ARID1A: variants seen among roughly 807,000 people sequenced by gnomAD.
ARID1A encodes AT-rich interaction domain 1A.
A neutral mutation model predicts 212.6 loss-of-function variants in ARID1A; 20 were observed. The observed-to-expected ratio is 0.09, with a 90% CI of 0.07 to 0.14. The LOEUF (loss-of-function observed/expected upper bound fraction) is 0.14. ARID1A is among the 10% of genes least tolerant of loss of function. The probability of loss-of-function intolerance (pLI) is 1.00; values close to 1 mark genes in which losing one functional copy is unlikely to be tolerated. For missense variants in ARID1A, 2,587 were observed against 3,059.0 expected, an observed-to-expected ratio of 0.85 and a Z score of 3.64; for synonymous variants, 1,376 against 1,222.1, an observed-to-expected ratio of 1.13 and a Z score of -2.63.
rs112199902 is a variant in ARID1A, at chr1:26,756,317, A to G, written c.1921-4539A>G. Among the ~76,000 whole-genome samples, 4 of 152,042 alleles carry G rather than the reference A, an allele frequency of 2.6e-5. 1 individual carries two copies. Among genetic ancestry groups the G allele is most frequent in the African/African-American group, 9.6e-5 (4 of 41,508 alleles). On this transcript the variant is annotated intron_variant, in intron 4 of 19. Transcript: ENST00000324856. ...ATGCCTGTAATACCGGCATTTTGGG[A>G]GGCCAAGGTGGGCGGATCACCTGAG...
At chr1:26,701,702 G>A (rs1292235913) in intron 1 of ARID1A, among the ~76,000 whole-genome samples, 4 of 152,092 alleles carry the variant, frequency 2.6e-5, no homozygotes, top group Admixed American at 2.6e-4. Flanking sequence ...ATAAATCAGG[G>A]GTCTTGAGAC....
At chr1:26,767,306 T>C (rs1183409354) in intron 10 of ARID1A, among the ~76,000 whole-genome samples, 2 of 152,206 alleles carry the variant, frequency 1.3e-5, no homozygotes, top group Non-Finnish European at 2.9e-5. Flanking sequence ...AGAGTTTCTT[T>C]TCATTTTAGT....
intron 19 of ARID1A, chr1:26,775,963 A>G: frequency 1.6e-6 from 1 of 612,644 alleles, no homozygotes; most frequent in South Asian, 1.5e-5. Flanking sequence ...ATTAGTAAGA[A>G]TTCAGATTCA....
In ARID1A at chr1:26,697,311, G is replaced by C. The variant is rs772204322; in HGVS notation, c.908G>C (p.Ser303Thr). The change falls in exon 1 of 20, where the codon AGC (serine) becomes ACC (threonine). Residue 303 changes from serine (S) to threonine (T), a missense_variant. Coordinates refer to ENST00000324856, the MANE Select transcript of ARID1A (RefSeq NM_006015.6). ...CTCAACCAACTGCTCACGTCGCCCA[G>C]CTCGGCCCGGGGCTACCAGGGCTAC... ...PTLNQLLTSPSSARGYQGYPG... is the reference protein window; with the variant it reads ...PTLNQLLTSPTSARGYQGYPG... 107 of 1,346,890 alleles carry C rather than the reference G, an allele frequency of 7.9e-5. No homozygotes were observed. The East Asian group carries it at 8.5e-4, about 11-fold the overall frequency. 83.4% of individuals were successfully genotyped at this position (1,346,890 alleles called of 1,614,324 possible).
intron 4 of ARID1A, 49 bp downstream of exon 4, chr1:26,732,841 C>G (rs917616071): frequency 1.0e-5 from 15 of 1,453,970 alleles, no homozygotes; most frequent in Non-Finnish European, 1.2e-5. Flanking sequence ...GAGAGGAAAC[C>G]AATGCAAACT....
At chr1:26,763,829 C>T (rs1570605474) in intron 8 of ARID1A, among the ~76,000 whole-genome samples, 1 of 152,226 alleles carries the variant, frequency 6.6e-6, no homozygotes. Flanking sequence ...TGCTCTGTTC[C>T]CCAGGCTGAA....
At chr1:26,725,660 C>T (rs1004798701) in intron 1 of ARID1A, among the ~76,000 whole-genome samples, 9 of 151,980 alleles carry the variant, frequency 5.9e-5, no homozygotes. Context: ...TATTTTTGGT[C>T]TACAAAGATT....
At position 26,774,574 on chromosome 1, in the gene ARID1A, C is replaced by T. The variant is rs140481844; in HGVS notation, c.4347C>T (p.Gly1449=). ...CTGCTACTGAGCGCCGACCAGCAGG[C>T]GGCCCCCAGAACCAATTTCCATTCC... is the stretch of plus-strand genomic sequence containing the variant. ...ATAATERRPA[G]GPQNQFPFQF... The change falls in exon 18 of 20, where the codon GGC becomes GGT. Residue 1449 remains glycine, a synonymous_variant. Transcript: ENST00000324856. The surrounding 1 kb of genome is among the most constrained non-coding windows in gnomAD (Gnocchi z 5.6). 5.5e-5 allele frequency: 89 copies of T among 1,614,086 alleles called. 1 individual carries two copies. The Middle Eastern group carries it at 6.6e-4, about 12-fold the overall frequency.
intron 10 of ARID1A, among the ~76,000 whole-genome samples, 170 bp downstream of exon 10, chr1:26,766,736 A>C (rs1391557976): frequency 3.3e-5 from 5 of 152,198 alleles, no homozygotes; most frequent in African/African-American, 1.2e-4. Context: ...CCAGAATAAT[A>C]GCTCAGTGAG....
chr1:26,701,854 TAA>T (rs2080334594), intron 1 of ARID1A, among the ~76,000 whole-genome samples: 2 of 152,222 alleles, frequency 1.3e-5, no homozygotes, highest in Admixed American at 6.5e-5. Flanking sequence ...TTGAAACTGT[TAA>T]TCTGTTTGTC....
At chr1:26,759,983 A>G (rs2080975971) in intron 4 of ARID1A, among the ~76,000 whole-genome samples, 1 of 152,160 alleles carries the variant, frequency 6.6e-6, no homozygotes, top group Non-Finnish European at 1.5e-5. Context: ...TGGCAAATGG[A>G]GGCTGTGATA....
chr1:26,696,072 G>A lies in ARID1A; in HGVS notation c.-332G>A, dbSNP rs1039382189. 4 of 550,702 alleles carry A rather than the reference G, an allele frequency of 7.3e-6. No individual in the cohort carries two copies. Among genetic ancestry groups the A allele is most frequent in the Non-Finnish European group, 9.6e-6 (4 of 418,526 alleles). 34.1% of individuals were successfully genotyped at this position (550,702 alleles called of 1,614,324 possible). ...ACAGCGGGGCCAGGCCCTGGGGAGC[G>A]GAGCCTCCACCGCCCCCCTCATTCC... On this transcript the variant is annotated 5_prime_UTR_variant, in exon 1 of 20. Coordinates refer to ENST00000324856, the MANE Select transcript of ARID1A (RefSeq NM_006015.6).
chr1:26,704,418 CT>C (rs1041177286), intron 1 of ARID1A, among the ~76,000 whole-genome samples: 1 of 152,146 alleles, frequency 6.6e-6, no homozygotes, highest in Non-Finnish European at 1.5e-5. Flanking sequence ...AAGTAAGTAT[CT>C]GTTGGGACTC....
At position 26,774,947 on chromosome 1, in the gene ARID1A, C is replaced by T. The variant is rs2081119884; in HGVS notation, c.4720C>T (p.Pro1574Ser). The T allele has an allele frequency of 7.5e-7, 1 of 1,338,544 alleles. No individual in the cohort carries two copies. The highest frequency in any genetic ancestry group is 9.9e-7 in the Non-Finnish European group (1 of 1,012,448). The allele number at this position is 1,338,544 out of a possible 1,614,324, so 82.9% of individuals were successfully genotyped here. The change falls in exon 18 of 20, where the codon CCC becomes TCC. Residue 1574 changes from proline to serine, a missense_variant. Around this residue, in one of 11 missense-constraint regions of ARID1A, gnomAD observed 890 missense variants for 1,098.2 expected, o/e 0.81. Transcript: ENST00000324856. The surrounding 1 kb of genome is among the most constrained non-coding windows in gnomAD (Gnocchi z 5.6). ...MTRPPPSNYQ[P>S]PPSMQNHIPQ... ...AAGGCCCCCTCCATCTAACTACCAG[C>T]CCCCACCAAGCATGCAGAATCACAT...
rs1446574904 is a variant in ARID1A, at chr1:26,731,347, C to G, written c.1546C>G (p.Pro516Ala). The G allele has an allele frequency of 6.2e-7, 1 of 1,613,906 alleles. No individual in the cohort carries two copies. The highest frequency in any genetic ancestry group is 8.5e-7 in the Non-Finnish European group (1 of 1,179,976). The change falls in exon 3 of 20, where the codon CCT becomes GCT. Residue 516 changes from proline to alanine, a missense_variant. Pro to Ala is a conservative substitution (Grantham distance 27). Around this residue, in one of 11 missense-constraint regions of ARID1A, gnomAD observed 674 missense variants for 813.4 expected, o/e 0.83. Coordinates refer to ENST00000324856, the MANE Select transcript of ARID1A (RefSeq NM_006015.6). Reference protein sequence around the residue: ...SQPPQLQSSQPPYSQQPSQPP... With the variant: ...SQPPQLQSSQAPYSQQPSQPP... The stretch of plus-strand genomic sequence containing the variant: ...ACCACCACAGCTCCAGTCCTCTCAG[C>G]CTCCATACTCCCAGCAGCCATCCCA...
At chr1:26,700,524 C>T (rs1158392156) in intron 1 of ARID1A, among the ~76,000 whole-genome samples, 2 of 152,170 alleles carry the variant, frequency 1.3e-5, no homozygotes, top group Non-Finnish European at 2.9e-5. Context: ...TTTTAGATTA[C>T]TTACACACAT....
rs2124055027 is a variant in ARID1A, at chr1:26,760,949, G to C, written c.2014G>C (p.Glu672Gln). The change falls in exon 5 of 20, where the codon GAG (glutamate) becomes CAG (glutamine). Residue 672 changes from glutamate to glutamine, a missense_variant. Coordinates refer to ENST00000324856, the MANE Select transcript of ARID1A (RefSeq NM_006015.6). ...STSGISSSQG[E>Q]QSNPAQSPFS... ...ATCAGGGATTTCCAGCAGCCAAGGAGAGCAGAGTAATCCAGCTCAGTCTCC... is the reference window on the plus strand; with the variant it reads ...ATCAGGGATTTCCAGCAGCCAAGGACAGCAGAGTAATCCAGCTCAGTCTCC... 1 of 1,614,084 alleles carries C rather than the reference G, an allele frequency of 6.2e-7. No homozygotes were observed. The highest frequency in any genetic ancestry group is 8.5e-7 in the Non-Finnish European group (1 of 1,180,030).
At position 26,774,034 on chromosome 1, in the gene ARID1A, C is replaced by T. The variant is rs2081110709; in HGVS notation, c.4101+136C>T. 1.6e-6 allele frequency: 2 copies of T among 1,220,056 alleles called. No individual in the cohort carries two copies. Among genetic ancestry groups the T allele is most frequent in the South Asian group, 2.9e-5 (2 of 68,922 alleles). The allele number at this position is 1,220,056 out of a possible 1,614,324, so 75.6% of individuals were successfully genotyped here. ...TTCTTCTCTCACCTGACTGGCCAGTCCTGCCTGAAGAGCCACGTCCTCAAT... is the reference window on the plus strand; with the variant it reads ...TTCTTCTCTCACCTGACTGGCCAGTTCTGCCTGAAGAGCCACGTCCTCAAT... On this transcript the variant is annotated intron_variant, in intron 17 of 19. Transcript: ENST00000324856. The surrounding 1 kb of genome is among the most constrained non-coding windows in gnomAD (Gnocchi z 5.6).
chr1:26,734,406 A>G (rs1281963446), intron 4 of ARID1A, among the ~76,000 whole-genome samples: 2 of 147,996 alleles, frequency 1.4e-5, no homozygotes, highest in African/African-American at 5.0e-5. Flanking sequence ...ATGCCTTGTA[A>G]GGGTTGGGAA....
Sources: gnomAD v4.1 joint callset for allele counts (sites outside exome capture counted in the v4.1 genomes callset) on GRCh38, gnomAD v4.1.1 for gene constraint, gnomAD v4.1.1 regional missense constraint, Gnocchi (gnomAD v3.1) non-coding constraint, MANE v1.5 for transcripts, NCBI Gene and HGNC (gene_info 2026-07-23, HGNC 2026-07-21) for gene names.